CTPS2: variants seen among roughly 807,000 people sequenced by gnomAD.
CTPS2 encodes CTP synthase 2.
In CTPS2, 19 loss-of-function variants were observed where a neutral mutation model predicts 46.8. The observed-to-expected ratio is 0.41, with a 90% CI of 0.28 to 0.60. CTPS2 has a LOEUF of 0.60. Ranked by LOEUF, CTPS2 falls within the 20% of genes least tolerant of loss-of-function variation. The pLI is 0.35. For synonymous variants in CTPS2, 151 were observed against 165.2 expected, an observed-to-expected ratio of 0.91 and a Z score of 0.66; for missense variants, 286 against 447.6, an observed-to-expected ratio of 0.64 and a Z score of 3.26.
chrX:16,654,605 C>A, intron 13 of CTPS2: 1 of 445,982 alleles, frequency 2.2e-6, no homozygotes, highest in Admixed American at 4.2e-5. Flanking sequence ...TGGTTTAATT[C>A]TTTGCAATTA....
At chrX:16,664,421 T>C (rs1920999409) in intron 13 of CTPS2, among the ~76,000 whole-genome samples, 1 of 111,654 alleles carries the variant, frequency 9.0e-6, no homozygotes, top group Non-Finnish European at 1.9e-5. Context: ...TTATGGTTCA[T>C]TATGGTTTGA....
At chrX:16,687,596 G>A (rs752225922) in intron 8 of CTPS2, among the ~76,000 whole-genome samples, 1 of 110,990 alleles carries the variant, frequency 9.0e-6, no homozygotes, top group Admixed American at 9.7e-5. Flanking sequence ...TGCTTAAAGT[G>A]TATCAGCCCC....
chrX:16,666,987 G>A (rs934217910), intron 13 of CTPS2, among the ~76,000 whole-genome samples: 1 of 111,260 alleles, frequency 9.0e-6, no homozygotes, highest in East Asian at 2.8e-4. Flanking sequence ...TGAAAGCTGC[G>A]ACAAAGAGAA....
At chrX:16,669,898 C>T (rs1240407378) in intron 11 of CTPS2, among the ~76,000 whole-genome samples, 1 of 110,140 alleles carries the variant, frequency 9.1e-6, no homozygotes, top group Non-Finnish European at 1.9e-5. Context: ...GTACAGAAGC[C>T]GTACTTCGCA....
chrX:16,599,825 G>A (rs1263505848), intron 17 of CTPS2, among the ~76,000 whole-genome samples: 2 of 104,576 alleles, frequency 1.9e-5, no homozygotes, highest in Non-Finnish European at 3.9e-5. Flanking sequence ...CTGGCACCCA[G>A]GCTAGAGCAC....
chrX:16,612,113 G>A (rs920485432), intron 16 of CTPS2, among the ~76,000 whole-genome samples: 2 of 111,854 alleles, frequency 1.8e-5, no homozygotes, highest in African/African-American at 6.5e-5. Context: ...AATCCTCTAT[G>A]CCAATATGAG....
intron 1 of CTPS2, among the ~76,000 whole-genome samples, chrX:16,705,289 GCTGA>G (rs895493202): frequency 8.9e-6 from 1 of 112,272 alleles, no homozygotes; most frequent in Non-Finnish European, 1.9e-5. Context: ...GCTCACAGAT[GCTGA>G]CTGACTGAGT....
intron 13 of CTPS2, among the ~76,000 whole-genome samples, chrX:16,666,725 G>A (rs780149416): frequency 1.8e-5 from 2 of 111,589 alleles, no homozygotes; most frequent in Non-Finnish European, 3.8e-5. Flanking sequence ...CAAAGCAGCA[G>A]GTGACAGAGC....
At chrX:16,625,523 G>A (rs906304177) in intron 14 of CTPS2, among the ~76,000 whole-genome samples, 2 of 111,626 alleles carry the variant, frequency 1.8e-5, no homozygotes, top group Non-Finnish European at 3.8e-5. Context: ...CTGTGACTCC[G>A]GAAACTCCAC....
intron 14 of CTPS2, among the ~76,000 whole-genome samples, chrX:16,637,331 G>T (rs767778040): frequency 9.0e-6 from 1 of 111,399 alleles, no homozygotes; most frequent in Non-Finnish European, 1.9e-5. Flanking sequence ...TGATCGTCCC[G>T]CTTCAGCCTC....
chrX:16,617,095 G>A (rs1218806729), intron 16 of CTPS2, 55 bp downstream of exon 16: 3 of 906,594 alleles, frequency 3.3e-6, no homozygotes, highest in African/African-American at 3.9e-5. Context: ...ATTAGTCTGT[G>A]GTCCACAAAA....
rs973503535 is a variant in CTPS2, at chrX:16,654,852, C to A, written c.1296+12662G>T. ...AGTGAGACATGATCACGCCACTGCA[C>A]TCCAGCCTGGACCACAGAGGGAGAC... On this transcript the variant is annotated intron_variant, in intron 13 of 18. Transcript: ENST00000359276. Among the ~76,000 whole-genome samples the A allele has an allele frequency of 5.5e-5, 6 of 109,871 alleles. No individual in the cohort carries two copies. In the East Asian group the frequency reaches 1.7e-3, roughly 31 times the overall value.
chrX:16,647,719 T>A (rs953944495), intron 13 of CTPS2, among the ~76,000 whole-genome samples: 1 of 111,483 alleles, frequency 9.0e-6, no homozygotes, highest in African/African-American at 3.3e-5. Flanking sequence ...GTGTATTATA[T>A]AGAACATGTT....
At chrX:16,682,857 T>G (rs1016161085) in intron 9 of CTPS2, among the ~76,000 whole-genome samples, 1 of 112,161 alleles carries the variant, frequency 8.9e-6, no homozygotes, top group Admixed American at 9.5e-5. Context: ...AGCTTGCGCC[T>G]GGTTACTCCT....
chrX:16,702,271 G>T (rs939915188), intron 2 of CTPS2, among the ~76,000 whole-genome samples: 1 of 111,451 alleles, frequency 9.0e-6, no homozygotes, highest in Non-Finnish European at 1.9e-5. Flanking sequence ...AGCCAGGATG[G>T]TCTCGATCTT....
At chrX:16,682,512 A>C (rs1262315926) in intron 9 of CTPS2, among the ~76,000 whole-genome samples, 1 of 112,002 alleles carries the variant, frequency 8.9e-6, no homozygotes, top group Non-Finnish European at 1.9e-5. Context: ...AACCGTTTAC[A>C]CAGCAAGCCT....
chrX:16,678,533 A>AT, intron 9 of CTPS2, 83 bp from the exon 10 acceptor site: 1 of 556,527 alleles, frequency 1.8e-6, no homozygotes, highest in East Asian at 3.6e-5. Flanking sequence ...ACTATGACAC[A>AT]TTATTCAATA....
intron 13 of CTPS2, among the ~76,000 whole-genome samples, chrX:16,646,100 C>T (rs1476521361): frequency 8.8e-6 from 1 of 113,060 alleles, no homozygotes; most frequent in Admixed American, 9.3e-5. Flanking sequence ...AACTTTCTTA[C>T]ACCTCAGAAA....
chrX:16,614,158 G>T (rs1037650264), intron 16 of CTPS2, among the ~76,000 whole-genome samples: 8 of 112,039 alleles, frequency 7.1e-5, no homozygotes, highest in African/African-American at 2.6e-4. Flanking sequence ...TTACGAAATT[G>T]TGTTGGGCCA....
Sources: gnomAD v4.1 joint callset for allele counts (sites outside exome capture counted in the v4.1 genomes callset) on GRCh38, gnomAD v4.1.1 for gene constraint, MANE v1.5 for transcripts, NCBI Gene and HGNC (gene_info 2026-07-23, HGNC 2026-07-21) for gene names.